Variants in TTC12 observed in about 807,000 individuals in gnomAD.
TTC12 encodes tetratricopeptide repeat protein 12.
Under a neutral mutation model 90.1 loss-of-function variants are expected in TTC12, and 70 were observed. The ratio of observed to expected loss-of-function variants is 0.78; its 90% CI spans 0.64 to 0.95. The LOEUF is 0.95. Ranked by LOEUF, TTC12 falls within the 40% of genes least tolerant of loss-of-function variation. The pLI is 0.00. For synonymous variants in TTC12, 296 were observed against 311.5 expected (o/e 0.95, Z 0.53); for missense variants, 819 against 846.1 (o/e 0.97, Z 0.40).
At position 113,362,413 on chromosome 11, in the gene TTC12, G is replaced by A. The variant is rs2138076864; in HGVS notation, c.1627G>A (p.Val543Ile). The change falls in exon 19 of 22, where the codon GTT becomes ATT. Residue 543 changes from valine to isoleucine, a missense_variant. Physicochemically the swap from Val to Ile is conservative, Grantham distance 29 (BLOSUM62 3). Transcript: ENST00000529221. ...DGGILTRAAG[V>I]LSRTLSSSLK... is the part of the protein sequence containing the mutation. ...CTGCTGTACTCAGAGAGCTGCTGGTGTTCTGAGCCGGACCCTTTCTTCCTC... is the reference window on the plus strand; with the variant it reads ...CTGCTGTACTCAGAGAGCTGCTGGTATTCTGAGCCGGACCCTTTCTTCCTC... 2 of 1,613,292 alleles carry A rather than the reference G, an allele frequency of 1.2e-6. No individual in the cohort carries two copies. Among genetic ancestry groups the A allele is most frequent in the Non-Finnish European group, 1.7e-6 (2 of 1,179,202 alleles).
intron 20 of TTC12, 21 bp from the exon 21 acceptor site, chr11:113,364,814 T>C: frequency 6.2e-7 from 1 of 1,609,068 alleles, no homozygotes. Flanking sequence ...AGCTGTTGCT[T>C]GTTCTCTTCT....
rs561674436 is a variant in TTC12, at chr11:113,347,836, G to A, written c.1155-2237G>A. ...AGCCCAATCTGATGGCCTGTCATCTGTCTTTCTTAAAGATGTCAAGGTCAA... is the reference window on the plus strand; with the variant it reads ...AGCCCAATCTGATGGCCTGTCATCTATCTTTCTTAAAGATGTCAAGGTCAA... On this transcript the variant is annotated intron_variant, in intron 13 of 21. Coordinates refer to ENST00000529221, the MANE Select transcript of TTC12 (RefSeq NM_017868.4). 1.5e-4 allele frequency among the ~76,000 whole-genome samples: 23 copies of A among 152,258 alleles called. No homozygotes were observed. The East Asian group carries it at 2.5e-3, about 17-fold the overall frequency.
At chr11:113,334,381 G>A (rs1948229500) in intron 7 of TTC12, among the ~76,000 whole-genome samples, 1 of 152,098 alleles carries the variant, frequency 6.6e-6, no homozygotes, top group African/African-American at 2.4e-5. Context: ...CATCCCTACT[G>A]ATCTTAAGTA....
chr11:113,351,281 T>C lies in TTC12; in HGVS notation c.1290T>C (p.Pro430=). 1.9e-6 allele frequency: 3 copies of C among 1,614,124 alleles called. No homozygotes were observed. Among genetic ancestry groups the C allele is most frequent in the Non-Finnish European group, 2.5e-6 (3 of 1,179,952 alleles). Reference sequence around the variant, plus strand: ...AGGCCAACCTTCCAGGTGTTCTCCCTGCACTCACAGGCGTTCTGGTGAGCA... The same window carrying C: ...AGGCCAACCTTCCAGGTGTTCTCCCCGCACTCACAGGCGTTCTGGTGAGCA... ...WFQANLPGVL[P]ALTGVLKTDP... The change falls in exon 15 of 22, where the codon CCT becomes CCC. Residue 430 remains proline, a synonymous_variant. Coordinates refer to ENST00000529221, the MANE Select transcript of TTC12 (RefSeq NM_017868.4).
chr11:113,366,125 C>T (rs1404797030), intron 21 of TTC12, 100 bp from the exon 22 acceptor site: 19 of 1,291,542 alleles, frequency 1.5e-5, no homozygotes, highest in Admixed American at 5.1e-5. Context: ...ATAGGACTGA[C>T]GTTCTCAGCC....
Position 113,341,967 on chromosome 11 carries a change from C to T in TTC12, c.985+42C>T, listed in dbSNP as rs373296678. 32 of 1,523,820 alleles carry T rather than the reference C, an allele frequency of 2.1e-5. No individual in the cohort carries two copies. The African/African-American group carries it at 3.4e-4, about 16-fold the overall frequency. 94.4% of individuals were successfully genotyped at this position (1,523,820 alleles called of 1,614,324 possible). A position where few individuals can be genotyped will look rare whatever the true frequency, so the allele number is the denominator to read the frequency against. Reference sequence around the variant, plus strand: ...ACCGTTGATCACCATTAATGCGCTGCGTGCAGGAACTACGCTGTTGGGTGG... The same window carrying T: ...ACCGTTGATCACCATTAATGCGCTGTGTGCAGGAACTACGCTGTTGGGTGG... On this transcript the variant is annotated intron_variant, in intron 12 of 21. Coordinates refer to ENST00000529221, the MANE Select transcript of TTC12 (RefSeq NM_017868.4).
intron 7 of TTC12, among the ~76,000 whole-genome samples, chr11:113,332,330 C>T (rs781791221): frequency 3.3e-5 from 5 of 152,134 alleles, no homozygotes; most frequent in East Asian, 1.9e-4. Flanking sequence ...TAGCCTTTTG[C>T]GTCATTGTCT....
chr11:113,327,634 A>C (rs1947771699), intron 6 of TTC12, among the ~76,000 whole-genome samples: 1 of 152,124 alleles, frequency 6.6e-6, no homozygotes, highest in African/African-American at 2.4e-5. Context: ...AAGCCTTAAG[A>C]GAGAAAGAAA....
rs1327855584 is a variant in TTC12, at chr11:113,363,813, C to T, written c.1717-15C>T. ...AGCACTGATTTTATTTTTCTAATTT[C>T]ATTCTGAAATCTAGACAGGAGGTGA... On this transcript the variant is annotated splice_polypyrimidine_tract_variant and intron_variant, in intron 19 of 21. Coordinates refer to ENST00000529221, the MANE Select transcript of TTC12 (RefSeq NM_017868.4). The T allele has an allele frequency of 6.3e-7, 1 of 1,576,564 alleles. No homozygotes were observed. The highest frequency in any genetic ancestry group is 8.7e-7 in the Non-Finnish European group (1 of 1,148,866).
At chr11:113,359,550 C>G (rs1555153914) in intron 17 of TTC12, 89 bp downstream of exon 17, 1 of 893,666 alleles carries the variant, frequency 1.1e-6, no homozygotes, top group African/African-American at 1.6e-5. Context: ...CACGAAGAGA[C>G]AGAAGCATGT....
At chr11:113,368,541 T>TC (rs1293313231), downstream of TTC12, 3 of 1,506,642 alleles carry the variant, frequency 2.0e-6, no homozygotes. Context: ...GGGATGGAAC[T>TC]CCATCACCAT....
intron 8 of TTC12, among the ~76,000 whole-genome samples, chr11:113,336,271 T>C (rs1948366305): frequency 1.3e-5 from 2 of 152,334 alleles, no homozygotes; most frequent in South Asian, 4.1e-4. Flanking sequence ...TTATATATTC[T>C]GAATACAAGT....
chr11:113,339,499 C>T (rs1311778026), intron 10 of TTC12, 25 bp downstream of exon 10: 1 of 1,588,792 alleles, frequency 6.3e-7, no homozygotes, highest in Non-Finnish European at 8.6e-7. Context: ...TGTGTGATCT[C>T]ATGAGTGCTG....
chr11:113,368,321 C>G, downstream of TTC12: 1 of 1,544,820 alleles, frequency 6.5e-7, no homozygotes, highest in Non-Finnish European at 8.7e-7. Context: ...CCCCCGCCAC[C>G]GCCCCAAACT....
chr11:113,364,730 A>G (rs1950112623), intron 20 of TTC12, 105 bp from the exon 21 acceptor site: 1 of 835,194 alleles, frequency 1.2e-6, no homozygotes, highest in South Asian at 1.6e-5. Flanking sequence ...GTTACTGGGG[A>G]AGCTCGGTGT....
At chr11:113,318,924 G>A (rs1947120475) in intron 2 of TTC12, among the ~76,000 whole-genome samples, 1 of 152,310 alleles carries the variant, frequency 6.6e-6, no homozygotes, top group South Asian at 2.1e-4. Flanking sequence ...TTTACCGAGA[G>A]CAGTAAATCA....
Position 113,354,018 on chromosome 11 carries a change from T to C in TTC12, c.1446+1811T>C, listed in dbSNP as rs1017089901. The stretch of plus-strand genomic sequence containing the variant: ...GTGAAGAATGTCAATGGTAGTTTAG[T>C]AGGAATTGCATTGAATCTATATATT... On this transcript the variant is annotated intron_variant, in intron 16 of 21. Transcript: ENST00000529221. Among the ~76,000 whole-genome samples the C allele has an allele frequency of 5.3e-5, 8 of 152,248 alleles. 1 individual carries two copies. The highest frequency in any genetic ancestry group is 3.3e-4 in the Admixed American group (5 of 15,284).
chr11:113,324,509 CG>C (rs1464961931), intron 4 of TTC12, 95 bp from the exon 5 acceptor site: 2 of 915,294 alleles, frequency 2.2e-6, no homozygotes, highest in Non-Finnish European at 3.4e-6. Flanking sequence ...CATATGCATA[CG>C]TGTGGCTCTA....
chr11:113,322,311 C>A (rs1345013913), intron 2 of TTC12, among the ~76,000 whole-genome samples: 1 of 151,998 alleles, frequency 6.6e-6, no homozygotes, highest in Non-Finnish European at 1.5e-5. Flanking sequence ...GAAAATATTG[C>A]GCAATAGGAT....
Sources: gnomAD v4.1 joint callset for allele counts (sites outside exome capture counted in the v4.1 genomes callset) on GRCh38, gnomAD v4.1.1 for gene constraint, MANE v1.5 for transcripts, NCBI Gene and HGNC (gene_info 2026-07-23, HGNC 2026-07-21) for gene names.